The following GARIN5A variants were observed in gnomAD, a reference collection of about 807,000 sequenced individuals.
GARIN5A encodes the protein Golgi-associated RAB2 interactor protein 5A.
the GARIN5A span, among the ~76,000 whole-genome samples, chr19:50,470,211 C>T: frequency 2.6e-5 from 4 of 152,148 alleles, no homozygotes; most frequent in African/African-American, 9.7e-5. Flanking sequence ...GTGCAATGGT[C>T]AAAAAGAATC....
At chr19:50,476,721 T>C in the GARIN5A span, 2 of 1,059,764 alleles carry the variant, frequency 1.9e-6, no homozygotes, top group East Asian at 5.9e-5. Flanking sequence ...CTTGGGTCTT[T>C]AGGTGAGTTA....
At chr19:50,467,915 C>T in the GARIN5A span, 7 of 1,160,352 alleles carry the variant, frequency 6.0e-6, no homozygotes, top group African/African-American at 1.5e-5. Context: ...ACCTTGCCAC[C>T]CCTCCCTCTG....
chr19:50,471,991 T>C, the GARIN5A span, among the ~76,000 whole-genome samples: 1 of 146,622 alleles, frequency 6.8e-6, no homozygotes, highest in African/African-American at 2.7e-5. Flanking sequence ...TGTATATGTA[T>C]ATATACGTGT....
the GARIN5A span, chr19:50,475,250 G>T: frequency 4.7e-6 from 7 of 1,503,298 alleles, no homozygotes; most frequent in Non-Finnish European, 5.3e-6. Flanking sequence ...GTCTGGACGA[G>T]GGGAGGTACT....
At chr19:50,471,660 G>A in the GARIN5A span, among the ~76,000 whole-genome samples, 3 of 117,192 alleles carry the variant, frequency 2.6e-5, 1 homozygote, top group African/African-American at 1.1e-4. Context: ...ATACATGCAC[G>A]TGTGTGTATA....
chr19:50,470,493 A>G, the GARIN5A span, among the ~76,000 whole-genome samples: 2 of 151,456 alleles, frequency 1.3e-5, no homozygotes, highest in African/African-American at 4.9e-5. Flanking sequence ...AGCCTGGGCA[A>G]CAAGAGTGAG....
At chr19:50,471,935 TG>T in the GARIN5A span, among the ~76,000 whole-genome samples, 3 of 148,864 alleles carry the variant, frequency 2.0e-5, no homozygotes, top group Non-Finnish European at 4.5e-5. Flanking sequence ...TACATGTATG[TG>T]TGTAAGTATA....
chr19:50,471,980 G>A, the GARIN5A span, among the ~76,000 whole-genome samples: 1 of 147,974 alleles, frequency 6.8e-6, no homozygotes, highest in African/African-American at 2.6e-5. Flanking sequence ...ACATGTATGT[G>A]TGTATATGTA....
the GARIN5A span, among the ~76,000 whole-genome samples, chr19:50,469,835 C>G: frequency 6.6e-6 from 1 of 152,164 alleles, no homozygotes; most frequent in Non-Finnish European, 1.5e-5. Context: ...ATGTCCCCTG[C>G]CACACCGCCT....
the GARIN5A span, chr19:50,467,693 G>T: frequency 6.3e-7 from 1 of 1,592,748 alleles, no homozygotes. Context: ...CGCACCCACT[G>T]GCCGAACTCT....
At chr19:50,476,168 A>T in the GARIN5A span, 1 of 1,613,598 alleles carries the variant, frequency 6.2e-7, no homozygotes, top group Non-Finnish European at 8.5e-7. Context: ...AGCTCCACCC[A>T]GGGCCGGCTT....
the GARIN5A span, among the ~76,000 whole-genome samples, chr19:50,474,630 C>G: frequency 1.3e-5 from 2 of 152,114 alleles, no homozygotes; most frequent in South Asian, 4.1e-4. Flanking sequence ...CAAGCGTGAG[C>G]CACCGCACCC....
chr19:50,470,718 G>A, the GARIN5A span, among the ~76,000 whole-genome samples: 3 of 145,300 alleles, frequency 2.1e-5, no homozygotes, highest in East Asian at 4.4e-4. Flanking sequence ...GTAATGGCGC[G>A]ATCTTGGCTC....
chr19:50,467,764 T>C, the GARIN5A span: 1 of 1,611,166 alleles, frequency 6.2e-7, no homozygotes, highest in Non-Finnish European at 8.5e-7. Context: ...GGTGTTCAAC[T>C]TGACCTCGAG....
the GARIN5A span, among the ~76,000 whole-genome samples, chr19:50,474,089 A>C: frequency 6.6e-6 from 1 of 152,218 alleles, no homozygotes; most frequent in Non-Finnish European, 1.5e-5. Context: ...TTGGGTGAGA[A>C]AAAGGAACAG....
the GARIN5A span, chr19:50,475,797 C>G: frequency 2.0e-6 from 3 of 1,483,664 alleles, no homozygotes; most frequent in African/African-American, 1.4e-5. Flanking sequence ...AGGGGCAGGC[C>G]GAGGCTGGGG....
At chr19:50,472,241 T>C in the GARIN5A span, among the ~76,000 whole-genome samples, 1 of 70,220 alleles carries the variant, frequency 1.4e-5, no homozygotes, top group Non-Finnish European at 2.7e-5. Flanking sequence ...TGTATGTGTG[T>C]ATTATATATA....
At chr19:50,476,055 C>A in the GARIN5A span, 16 of 1,607,174 alleles carry the variant, frequency 1.0e-5, no homozygotes, top group Non-Finnish European at 1.3e-5. Flanking sequence ...ATCAGATGCC[C>A]CCGAATTGCC....
At chr19:50,472,094 A>ATG in the GARIN5A span, among the ~76,000 whole-genome samples, 2 of 141,750 alleles carry the variant, frequency 1.4e-5, no homozygotes, top group South Asian at 2.1e-4. Context: ...GTGTATATGT[A>ATG]TATGTATATA....
Sources: gnomAD v4.1 joint callset for allele counts (sites outside exome capture counted in the v4.1 genomes callset) on GRCh38, gnomAD v4.1.1 for gene constraint, MANE v1.5 for transcripts, NCBI Gene and HGNC (gene_info 2026-07-23, HGNC 2026-07-21) for gene names.